RPS6KA5: variants seen among roughly 807,000 people sequenced by gnomAD.
The protein encoded by RPS6KA5 is ribosomal protein S6 kinase alpha-5.
In RPS6KA5, 27 loss-of-function variants were observed where a neutral mutation model predicts 85.5. The observed-to-expected ratio is 0.32, with a 90% CI of 0.23 to 0.44. The LOEUF (loss-of-function observed/expected upper bound fraction) is 0.44, where lower values mean the gene tolerates loss of function less well. Among genes scored for constraint, RPS6KA5 ranks in the 20% least tolerant of loss-of-function variants. RPS6KA5 has a pLI of 1.00. For missense variants in RPS6KA5, 811 were observed against 980.9 expected (o/e 0.83, Z 2.31); for synonymous variants, 334 against 348.2 (o/e 0.96, Z 0.46).
chr14:91,020,617 TGTG>T (rs2041721343), intron 1 of RPS6KA5, among the ~76,000 whole-genome samples: 1 of 129,920 alleles, frequency 7.7e-6, no homozygotes, highest in African/African-American at 3.8e-5. Context: ...TATCCTATTG[TGTG>T]TGTGTGTGTG....
At chr14:90,921,808 T>C (rs1249563823) in intron 6 of RPS6KA5, among the ~76,000 whole-genome samples, 1 of 152,122 alleles carries the variant, frequency 6.6e-6, no homozygotes, top group Non-Finnish European at 1.5e-5. Flanking sequence ...ACTGCATATG[T>C]GGGACTCTGA....
chr14:90,888,473 GTTTA>G (rs753643323), intron 14 of RPS6KA5, among the ~76,000 whole-genome samples: 13 of 152,250 alleles, frequency 8.5e-5, no homozygotes, highest in Middle Eastern at 3.4e-3. Flanking sequence ...CTACAAGTCA[GTTTA>G]TTTTTGTTTA....
intron 13 of RPS6KA5, 158 bp downstream of exon 13, chr14:90,894,255 A>G (rs1308152960): frequency 1.6e-6 from 2 of 1,255,836 alleles, no homozygotes; most frequent in African/African-American, 1.5e-5. Context: ...CTGAAATATA[A>G]AAGAAAAAAC....
At chr14:90,913,242 C>A (rs931952731) in intron 7 of RPS6KA5, among the ~76,000 whole-genome samples, 1 of 151,930 alleles carries the variant, frequency 6.6e-6, no homozygotes, top group Non-Finnish European at 1.5e-5. Context: ...CCTCTTCTGC[C>A]CAGTACACTA....
At chr14:90,895,171 CA>C (rs1469775036) in intron 12 of RPS6KA5, among the ~76,000 whole-genome samples, 3 of 7,158 alleles carry the variant, frequency 4.2e-4, no homozygotes, top group African/African-American at 3.5e-3. Flanking sequence ...CACACCCATC[CA>C]AGGCCTGGCA....
intron 3 of RPS6KA5, among the ~76,000 whole-genome samples, chr14:90,978,090 G>T (rs2039643516): frequency 6.6e-6 from 1 of 152,116 alleles, no homozygotes; most frequent in Non-Finnish European, 1.5e-5. Context: ...AGAAAAGAGT[G>T]TGGAATAGAA....
intron 7 of RPS6KA5, among the ~76,000 whole-genome samples, chr14:90,916,545 TG>T (rs1272283471): frequency 2.0e-5 from 3 of 152,046 alleles, no homozygotes; most frequent in Admixed American, 2.0e-4. Flanking sequence ...ATTAAGACAC[TG>T]GGGACAGATA....
At chr14:90,895,169 TCC>T (rs2034767380) in intron 12 of RPS6KA5, among the ~76,000 whole-genome samples, 1 of 7,110 alleles carries the variant, frequency 1.4e-4, no homozygotes, top group African/African-American at 1.2e-3. Context: ...GGCACACCCA[TCC>T]AAGGCCTGGC....
At chr14:91,016,151 G>A (rs1274082554) in intron 1 of RPS6KA5, among the ~76,000 whole-genome samples, 1 of 152,084 alleles carries the variant, frequency 6.6e-6, no homozygotes, top group Non-Finnish European at 1.5e-5. Flanking sequence ...CTAATTTTAT[G>A]GCAAGGGTAT....
At chr14:90,981,578 C>T (rs1401360993) in intron 2 of RPS6KA5, among the ~76,000 whole-genome samples, 1 of 152,190 alleles carries the variant, frequency 6.6e-6, no homozygotes, top group East Asian at 1.9e-4. Context: ...ATCATCCTTG[C>T]CATGTGATAA....
At chr14:90,919,167 C>A (rs1325356286) in intron 7 of RPS6KA5, among the ~76,000 whole-genome samples, 2 of 152,182 alleles carry the variant, frequency 1.3e-5, no homozygotes, top group Non-Finnish European at 2.9e-5. Flanking sequence ...GGCCTGCAAA[C>A]TCTAGCTGTC....
In RPS6KA5 at chr14:90,926,664, AGTGTGT is replaced by A. The variant is rs59637202; in HGVS notation, c.619-3474_619-3469del. ...GTATGTGTATATATATATATATTTA[AGTGTGT>A]GTGTGTGTGTGTGTGTGTGTGTGTG... On this transcript the variant is annotated intron_variant, in intron 5 of 16. Transcript: ENST00000614987. Among the ~76,000 whole-genome samples, 383 of 143,312 alleles carry A rather than the reference AGTGTGT, an allele frequency of 2.7e-3. 2 individuals are homozygous for A. Among genetic ancestry groups the A allele is most frequent in the Non-Finnish European group, 4.1e-3 (269 of 65,190 alleles). The allele number at this position is 143,312 out of a possible 152,430, so 94.0% of individuals were successfully genotyped here.
chr14:90,899,252 C>T, intron 12 of RPS6KA5, 77 bp downstream of exon 12: 1 of 1,025,320 alleles, frequency 9.8e-7, no homozygotes. Flanking sequence ...CCAGCAGCAC[C>T]AACAAAACGC....
intron 4 of RPS6KA5, among the ~76,000 whole-genome samples, chr14:90,944,691 G>T (rs1301885112): frequency 6.6e-6 from 1 of 151,892 alleles, no homozygotes; most frequent in East Asian, 1.9e-4. Context: ...GGAGGTGGAG[G>T]TTACGGTGAG....
chr14:90,881,941 T>C (rs2033869753), intron 14 of RPS6KA5, among the ~76,000 whole-genome samples: 1 of 152,250 alleles, frequency 6.6e-6, no homozygotes, highest in African/African-American at 2.4e-5. Context: ...TATGCCAATC[T>C]TTGACCTTTG....
At chr14:90,922,009 A>G (rs1433952755) in intron 6 of RPS6KA5, among the ~76,000 whole-genome samples, 2 of 148,922 alleles carry the variant, frequency 1.3e-5, no homozygotes, top group Non-Finnish European at 3.0e-5. Flanking sequence ...TTTTGCACAT[A>G]CAAAGGCAAG....
chr14:91,018,523 GAATT>G (rs772413751), intron 1 of RPS6KA5, among the ~76,000 whole-genome samples: 12 of 152,248 alleles, frequency 7.9e-5, no homozygotes, highest in Non-Finnish European at 1.5e-4. Context: ...AAAGCAGGCT[GAATT>G]AGGTGGCGTA....
intron 7 of RPS6KA5, among the ~76,000 whole-genome samples, chr14:90,917,850 G>A (rs2036204736): frequency 6.6e-6 from 1 of 152,010 alleles, no homozygotes. Context: ...GTGCACTACT[G>A]CACATGTCTT....
At chr14:90,887,054 C>T (rs373148616) in intron 14 of RPS6KA5, among the ~76,000 whole-genome samples, 2 of 152,116 alleles carry the variant, frequency 1.3e-5, no homozygotes, top group African/African-American at 4.8e-5. Flanking sequence ...ATAATTCAGC[C>T]TTTGTATCTA....
Sources: allele counts gnomAD v4.1 joint callset (sites outside exome capture counted in the v4.1 genomes callset), GRCh38; gene constraint gnomAD v4.1.1; transcripts MANE v1.5; gene names NCBI Gene and HGNC (gene_info 2026-07-23, HGNC 2026-07-21).